PMM2: variants seen among roughly 807,000 people sequenced by gnomAD.
PMM2 encodes the protein mannose-6-phosphate isomerase.
Under a neutral mutation model 33.2 loss-of-function variants are expected in PMM2, and 35 were observed. The ratio of observed to expected loss-of-function variants is 1.06; its 90% CI spans 0.81 to 1.40. The LOEUF (loss-of-function observed/expected upper bound fraction) is 1.40. PMM2 is among the 40% of genes most tolerant of loss of function. PMM2 has a pLI of 0.00. For missense variants in PMM2, 386 were observed against 306.0 expected (o/e 1.26, Z -1.95); for synonymous variants, 153 against 114.7 (o/e 1.33, Z -2.13).
chr16:8,819,321 T>A (rs1195375227), intron 7 of PMM2, among the ~76,000 whole-genome samples: 2 of 152,186 alleles, frequency 1.3e-5, no homozygotes, highest in Admixed American at 6.5e-5. Flanking sequence ...CAGGACAATA[T>A]AAGTAATGTG....
At chr16:8,800,972 C>A (rs896574607) in intron 1 of PMM2, among the ~76,000 whole-genome samples, 1 of 152,214 alleles carries the variant, frequency 6.6e-6, no homozygotes, top group Non-Finnish European at 1.5e-5. Context: ...CATGAGCCTC[C>A]ATGTCTGGCC....
intron 7 of PMM2, among the ~76,000 whole-genome samples, chr16:8,813,916 G>T (rs1162636958): frequency 1.4e-5 from 2 of 144,416 alleles, no homozygotes; most frequent in Non-Finnish European, 3.0e-5. Flanking sequence ...GCCCAGGCTG[G>T]AGTGCAGTGG....
chr16:8,826,169 T>C (rs1372290427), intron 7 of PMM2, among the ~76,000 whole-genome samples: 2 of 152,176 alleles, frequency 1.3e-5, no homozygotes, highest in African/African-American at 4.8e-5. Flanking sequence ...GCCAGCTTGC[T>C]CACACACAGA....
chr16:8,823,293 G>C (rs1293673297), intron 7 of PMM2, among the ~76,000 whole-genome samples: 1 of 152,072 alleles, frequency 6.6e-6, no homozygotes, highest in Non-Finnish European at 1.5e-5. Flanking sequence ...TTGAGTCCAA[G>C]TCAGAAAAGT....
At chr16:8,817,288 G>C (rs756675282) in intron 7 of PMM2, among the ~76,000 whole-genome samples, 20 of 152,174 alleles carry the variant, frequency 1.3e-4, no homozygotes, top group Admixed American at 1.3e-3. Context: ...TTTCAGTGCA[G>C]GCTTTGAAAA....
intron 1 of PMM2, among the ~76,000 whole-genome samples, chr16:8,800,154 T>G (rs1223865881): frequency 6.6e-6 from 1 of 151,414 alleles, no homozygotes; most frequent in Non-Finnish European, 1.5e-5. Flanking sequence ...AGGTCAGGAG[T>G]TCGAGACCAG....
chr16:8,837,788 T>A (rs1347063164), intron 7 of PMM2, among the ~76,000 whole-genome samples: 1 of 152,008 alleles, frequency 6.6e-6, no homozygotes, highest in Non-Finnish European at 1.5e-5. Flanking sequence ...CGTCCCTGCA[T>A]GGTCTGACAC....
At chr16:8,840,839 G>A (rs918698906) in intron 7 of PMM2, among the ~76,000 whole-genome samples, 3 of 151,976 alleles carry the variant, frequency 2.0e-5, no homozygotes, top group Admixed American at 2.0e-4. Context: ...AGAACTGATC[G>A]TCCAGCTAGG....
At chr16:8,846,938 A>C (rs1002014436) in intron 7 of PMM2, among the ~76,000 whole-genome samples, 1 of 152,068 alleles carries the variant, frequency 6.6e-6, no homozygotes, top group Non-Finnish European at 1.5e-5. Flanking sequence ...ATCTCGGCTT[A>C]CTGCAACTTC....
chr16:8,799,758 G>C (rs8051604), intron 1 of PMM2, among the ~76,000 whole-genome samples: 9,122 of 152,106 alleles, frequency 0.06, 338 homozygotes, highest in Middle Eastern at 0.14. Flanking sequence ...GTGTTGGCCA[G>C]GATGGTCTCT....
At chr16:8,817,767 A>C (rs2060716168) in intron 7 of PMM2, among the ~76,000 whole-genome samples, 1 of 152,246 alleles carries the variant, frequency 6.6e-6, no homozygotes, top group South Asian at 2.1e-4. Flanking sequence ...AAAGTCACCT[A>C]TAATCATCCA....
chr16:8,832,263 C>T (rs892796808), intron 7 of PMM2: 15 of 985,306 alleles, frequency 1.5e-5, no homozygotes, highest in African/African-American at 7.0e-5. Context: ...GTTTGTGATG[C>T]AGATGCTCCT....
chr16:8,831,160 G>A (rs933569632), intron 7 of PMM2, among the ~76,000 whole-genome samples: 1 of 152,154 alleles, frequency 6.6e-6, no homozygotes, highest in South Asian at 2.1e-4. Flanking sequence ...AAACAAAGTT[G>A]AACTATAAAC....
intron 2 of PMM2, among the ~76,000 whole-genome samples, chr16:8,802,781 G>T (rs545470151): frequency 1.3e-5 from 2 of 149,296 alleles, no homozygotes; most frequent in African/African-American, 5.0e-5. Context: ...AATGAGCCGA[G>T]ATCACACCAT....
At chr16:8,816,544 C>T (rs908118346) in intron 7 of PMM2, among the ~76,000 whole-genome samples, 4 of 151,142 alleles carry the variant, frequency 2.6e-5, no homozygotes, top group African/African-American at 9.7e-5. Context: ...AGTTCCGAGA[C>T]CAGCCTGACC....
intron 7 of PMM2, among the ~76,000 whole-genome samples, chr16:8,820,351 CTT>C (rs545958069): frequency 2.3e-4 from 30 of 133,100 alleles, no homozygotes; most frequent in East Asian, 8.5e-4. Context: ...CACAGTTCTT[CTT>C]TTTTTTTTTT....
rs2141019988 is a variant in PMM2 at position 8,806,333 on chromosome 16, G to A, written c.273G>A (p.Leu91=). ...LLCRQNIQSH[L]GEALIQDLIN... is the part of the protein sequence containing the mutation. ...TCATCTAGAATATTCAAAGTCATCTGGGTGAGGCCCTAATCCAAGATTTAA... is the reference window on the plus strand; with the variant it reads ...TCATCTAGAATATTCAAAGTCATCTAGGTGAGGCCCTAATCCAAGATTTAA... Residue 91 remains leucine, a synonymous_variant, in exon 4 of 8, where the codon CTG becomes CTA. Transcript: ENST00000268261. 1 of 1,606,250 alleles carries A rather than the reference G, an allele frequency of 6.2e-7. No homozygotes were observed. Among genetic ancestry groups the A allele is most frequent in the Non-Finnish European group, 8.5e-7 (1 of 1,172,834 alleles).
intron 7 of PMM2, among the ~76,000 whole-genome samples, chr16:8,831,528 C>CT (rs1468934817): frequency 6.6e-6 from 1 of 152,152 alleles, no homozygotes; most frequent in African/African-American, 2.4e-5. Flanking sequence ...GAGTGGGACC[C>CT]TGTCTCAAAA....
At chr16:8,800,353 T>C (rs1165965520) in intron 1 of PMM2, among the ~76,000 whole-genome samples, 5 of 91,542 alleles carry the variant, frequency 5.5e-5, no homozygotes, top group African/African-American at 2.0e-4. Flanking sequence ...AGAGCACGAC[T>C]TCGTGTCAAA....
Sources: allele counts gnomAD v4.1 joint callset (sites outside exome capture counted in the v4.1 genomes callset), GRCh38; gene constraint gnomAD v4.1.1; transcripts MANE v1.5; gene names NCBI Gene and HGNC (gene_info 2026-07-23, HGNC 2026-07-21).